The following NRXN1 variants were observed in gnomAD, a reference collection of about 807,000 sequenced individuals.
The protein encoded by NRXN1 is neurexin-1.
Under a neutral mutation model 150.9 loss-of-function variants are expected in NRXN1, and 39 were observed. That is an observed-to-expected ratio of 0.26 (90% CI 0.20 to 0.34). NRXN1 has a LOEUF of 0.34. NRXN1 is among the 10% of genes least tolerant of loss of function. NRXN1 has a pLI of 1.00. For missense variants in NRXN1, 1,815 were observed against 1,949.9 expected (o/e 0.93, Z 1.30); for synonymous variants, 924 against 757.0 (o/e 1.22, Z -3.62).
At chr2:49,941,624 T>C (rs918422056) in intron 22 of NRXN1, among the ~76,000 whole-genome samples, 1 of 152,112 alleles carries the variant, frequency 6.6e-6, no homozygotes, top group Non-Finnish European at 1.5e-5. Context: ...AGCCTATACT[T>C]AGACAGTAAA....
intron 5 of NRXN1, among the ~76,000 whole-genome samples, chr2:50,676,215 T>C (rs528288522): frequency 6.6e-6 from 1 of 152,252 alleles, no homozygotes; most frequent in South Asian, 2.1e-4. Flanking sequence ...CTCATTCACC[T>C]TCTGTCATGA....
intron 21 of NRXN1, among the ~76,000 whole-genome samples, chr2:49,967,354 T>C (rs534141826): frequency 2.0e-5 from 3 of 152,198 alleles, no homozygotes; most frequent in South Asian, 4.1e-4. Flanking sequence ...TTAACTCCCA[T>C]ATATTACATA....
chr2:50,113,109 G>C (rs186622978), intron 18 of NRXN1, among the ~76,000 whole-genome samples: 3 of 152,144 alleles, frequency 2.0e-5, no homozygotes, highest in Admixed American at 1.3e-4. Context: ...GCTCAGTGAC[G>C]ATCTTGAAGG....
chr2:50,031,189 G>A (rs1256679109), intron 21 of NRXN1, among the ~76,000 whole-genome samples: 2 of 151,990 alleles, frequency 1.3e-5, no homozygotes, highest in Non-Finnish European at 2.9e-5. Flanking sequence ...TCATCTTTAT[G>A]ACTAAAGTAT....
intron 18 of NRXN1, among the ~76,000 whole-genome samples, chr2:50,183,063 C>T (rs1194390142): frequency 1.3e-5 from 2 of 151,966 alleles, no homozygotes; most frequent in African/African-American, 4.8e-5. Flanking sequence ...TAAGGATGCA[C>T]ATCATTAGAA....
At chr2:49,936,735 A>G (rs2104290317) in intron 22 of NRXN1, among the ~76,000 whole-genome samples, 1 of 148,544 alleles carries the variant, frequency 6.7e-6, no homozygotes, top group African/African-American at 2.5e-5. Flanking sequence ...AAAAAAAAAA[A>G]GTTCAAACCT....
In NRXN1 at chr2:50,623,294, C is replaced by T. The variant is rs754639541; in HGVS notation, c.1134+20G>A. 13 of 1,603,808 alleles carry T rather than the reference C, an allele frequency of 8.1e-6. No individual in the cohort carries two copies. Among genetic ancestry groups the T allele is most frequent in the Non-Finnish European group, 1.1e-5 (13 of 1,171,968 alleles). On this transcript the variant is annotated intron_variant, in intron 6 of 22. Coordinates refer to ENST00000401669, the MANE Select transcript of NRXN1 (RefSeq NM_001330078.2). ...AGCGAGAAACAAAGCCAGTTACTCT[C>T]TTATCCACTGCGCTGTTACCTGACG...
intron 5 of NRXN1, among the ~76,000 whole-genome samples, chr2:50,811,883 T>C (rs1233313506): frequency 2.0e-5 from 3 of 152,164 alleles, no homozygotes; most frequent in Admixed American, 6.5e-5. Context: ...TTTTTGACAG[T>C]GCACCTAAAG....
At chr2:50,688,326 T>C (rs966403362) in intron 5 of NRXN1, among the ~76,000 whole-genome samples, 6 of 152,216 alleles carry the variant, frequency 3.9e-5, no homozygotes, top group African/African-American at 1.4e-4. Context: ...TAGGCTCATG[T>C]ATTCACTTGC....
chr2:50,870,825 C>T (rs1306784215), intron 5 of NRXN1, among the ~76,000 whole-genome samples: 1 of 151,840 alleles, frequency 6.6e-6, no homozygotes, highest in African/African-American at 2.4e-5. Flanking sequence ...TTAGCATATA[C>T]AATTTATCAT....
chr2:50,604,866 A>G (rs557571377), intron 8 of NRXN1, among the ~76,000 whole-genome samples: 1 of 152,306 alleles, frequency 6.6e-6, no homozygotes, highest in South Asian at 2.1e-4. Context: ...CACAATCTCT[A>G]CCATCACAAA....
chr2:50,416,527 A>C (rs1265576404), intron 17 of NRXN1, among the ~76,000 whole-genome samples: 1 of 152,140 alleles, frequency 6.6e-6, no homozygotes, highest in African/African-American at 2.4e-5. Context: ...AATATATTAT[A>C]CATTTTCACT....
chr2:50,817,399 T>C (rs1669087507), intron 5 of NRXN1, among the ~76,000 whole-genome samples: 2 of 151,930 alleles, frequency 1.3e-5, no homozygotes, highest in Admixed American at 1.3e-4. Context: ...GATGAGATGG[T>C]TGCACTGGAG....
At chr2:50,672,766 T>C (rs796844306) in intron 5 of NRXN1, among the ~76,000 whole-genome samples, 33 of 152,160 alleles carry the variant, frequency 2.2e-4, no homozygotes, top group African/African-American at 7.5e-4. Context: ...TATTTTGAAA[T>C]TTATTAAATA....
rs185631054 is a variant in NRXN1, at chr2:50,577,188, C to A, written c.1321-24163G>T. ...TGAATAAGTAATGTAAGCTGAGAGA[C>A]AACTCTGAAACTATTATGGGGACGT... On this transcript the variant is annotated intron_variant, in intron 8 of 22. Coordinates refer to ENST00000401669, the MANE Select transcript of NRXN1 (RefSeq NM_001330078.2). Among the ~76,000 whole-genome samples, 4 of 152,124 alleles carry A rather than the reference C, an allele frequency of 2.6e-5. No homozygotes were observed. In the East Asian group the frequency reaches 5.8e-4, roughly 22 times the overall value.
intron 17 of NRXN1, among the ~76,000 whole-genome samples, chr2:50,377,595 T>C (rs1219721138): frequency 2.0e-5 from 3 of 152,154 alleles, no homozygotes; most frequent in African/African-American, 4.8e-5. Context: ...AGTGCCCACA[T>C]ACTAAACGCT....
In NRXN1 at chr2:50,506,546, G is replaced by A. The variant is rs200325059; in HGVS notation, c.2446C>T (p.Arg816Trp). The part of the protein sequence containing the change: ...DNEWHTVRVV[R>W]RGKSLKLTVD... ...GTTAACTTTAAACTTTTTCCACGCCGAACTACACGCACTGTGTGCCACTCG... is the reference window on the plus strand; with the variant it reads ...GTTAACTTTAAACTTTTTCCACGCCAAACTACACGCACTGTGTGCCACTCG... The change falls in exon 13 of 23, where the codon CGG becomes TGG. Residue 816 changes from arginine (R) to tryptophan (W), a missense_variant. Transcript: ENST00000401669. The A allele has an allele frequency of 1.1e-5, 17 of 1,612,998 alleles. No individual in the cohort carries two copies. Among genetic ancestry groups the A allele is most frequent in the African/African-American group, 1.3e-5 (1 of 74,832 alleles).
At chr2:50,075,561 T>G (rs1294971430) in intron 19 of NRXN1, among the ~76,000 whole-genome samples, 2 of 152,208 alleles carry the variant, frequency 1.3e-5, no homozygotes, top group Non-Finnish European at 2.9e-5. Context: ...GCACTGCATA[T>G]TACAGGAGGT....
intron 22 of NRXN1, among the ~76,000 whole-genome samples, chr2:49,922,611 A>C (rs1293300622): frequency 1.3e-5 from 2 of 152,194 alleles, no homozygotes; most frequent in Non-Finnish European, 2.9e-5. Context: ...CTACCCTATA[A>C]TACTAGAGGG....
Sources: allele counts gnomAD v4.1 joint callset (sites outside exome capture counted in the v4.1 genomes callset), GRCh38; gene constraint gnomAD v4.1.1; transcripts MANE v1.5; gene names NCBI Gene and HGNC (gene_info 2026-07-23, HGNC 2026-07-21).